Variants in CDH13 observed in about 807,000 individuals in gnomAD.
CDH13 encodes the protein cadherin 13.
In CDH13, 24 loss-of-function variants were observed where a neutral mutation model predicts 63.8. The ratio of observed to expected loss-of-function variants is 0.38; its 90% CI spans 0.27 to 0.53. The LOEUF is 0.53. CDH13 is among the 20% of genes least tolerant of loss of function. The probability of loss-of-function intolerance (pLI) is 0.85; values close to 1 mark genes in which losing one functional copy is unlikely to be tolerated. For synonymous variants in CDH13, 503 were observed against 355.3 expected (o/e 1.42, Z -4.67); for missense variants, 1,049 against 903.1 (o/e 1.16, Z -2.07).
chr16:82,866,963 C>A (rs1485440582), intron 2 of CDH13, among the ~76,000 whole-genome samples: 2 of 152,162 alleles, frequency 1.3e-5, no homozygotes, highest in East Asian at 1.9e-4. Context: ...TGGGTGGGGC[C>A]ACAAAGCCTA....
chr16:83,598,090 G>C (rs1195783052), intron 7 of CDH13, among the ~76,000 whole-genome samples: 1 of 152,174 alleles, frequency 6.6e-6, no homozygotes, highest in Non-Finnish European at 1.5e-5. Context: ...ATTAGACCAG[G>C]TGCAGTGGCT....
rs537925197 is a variant in CDH13 at position 82,822,859 on chromosome 16, A to C, written c.46-35503A>C. ...CAACACCATTTTATTATCGTCTCTCACAGTGTAGGGATTGTCTGGGCTCCG... is the reference window on the plus strand; with the variant it reads ...CAACACCATTTTATTATCGTCTCTCCCAGTGTAGGGATTGTCTGGGCTCCG... On this transcript the variant is annotated intron_variant, in intron 1 of 13. Transcript: ENST00000567109. Among the ~76,000 whole-genome samples the C allele has an allele frequency of 5.7e-4, 87 of 152,320 alleles. 1 individual carries two copies. The Middle Eastern group carries it at 0.014, about 24-fold the overall frequency.
intron 3 of CDH13, among the ~76,000 whole-genome samples, chr16:83,123,523 C>A (rs1476453999): frequency 6.6e-6 from 1 of 152,152 alleles, no homozygotes; most frequent in Non-Finnish European, 1.5e-5. Context: ...AGGTTATCCA[C>A]CCTCCTCAGC....
intron 4 of CDH13, among the ~76,000 whole-genome samples, chr16:83,144,527 C>A (rs541372441): frequency 1.3e-5 from 2 of 152,174 alleles, no homozygotes; most frequent in Non-Finnish European, 2.9e-5. Context: ...GTGTTAACAA[C>A]TTTACGTTCA....
chr16:83,546,276 G>A (rs1472059696), intron 7 of CDH13, among the ~76,000 whole-genome samples: 1 of 152,030 alleles, frequency 6.6e-6, no homozygotes, highest in African/African-American at 2.4e-5. Context: ...GGCACTCTTG[G>A]CATCCCCAGA....
intron 1 of CDH13, among the ~76,000 whole-genome samples, chr16:82,805,266 A>G (rs767881478): frequency 2.6e-5 from 4 of 152,154 alleles, no homozygotes; most frequent in African/African-American, 4.8e-5. Context: ...CAGAAGAGAG[A>G]AGTGATTAGA....
intron 8 of CDH13, among the ~76,000 whole-genome samples, chr16:83,648,368 A>G (rs549092667): frequency 6.6e-6 from 1 of 152,296 alleles, no homozygotes; most frequent in Admixed American, 6.5e-5. Flanking sequence ...AGTTTGTGTG[A>G]TGCAGTGATT....
chr16:83,709,432 T>C (rs1471921243), intron 10 of CDH13, among the ~76,000 whole-genome samples: 3 of 152,234 alleles, frequency 2.0e-5, no homozygotes, highest in Non-Finnish European at 4.4e-5. Context: ...TCAGCATTCA[T>C]CCATGCACAC....
chr16:83,530,721 A>C (rs749178733), intron 7 of CDH13, among the ~76,000 whole-genome samples: 5 of 152,236 alleles, frequency 3.3e-5, no homozygotes, highest in Non-Finnish European at 7.3e-5. Flanking sequence ...TGAGGTTCAC[A>C]GAGGGACAGT....
chr16:82,831,547 G>C (rs1285611343), intron 1 of CDH13, among the ~76,000 whole-genome samples: 1 of 152,082 alleles, frequency 6.6e-6, no homozygotes, highest in African/African-American at 2.4e-5. Context: ...AAGATTTCCT[G>C]ACAATAAAGG....
chr16:83,604,671 A>G (rs1417545631), intron 8 of CDH13, among the ~76,000 whole-genome samples: 1 of 151,578 alleles, frequency 6.6e-6, no homozygotes, highest in Non-Finnish European at 1.5e-5. Context: ...TCACTGGGGG[A>G]TTTTTGTTTA....
At chr16:83,252,138 G>GTATATATATA (rs59872467) in intron 5 of CDH13, among the ~76,000 whole-genome samples, 31 of 121,022 alleles carry the variant, frequency 2.6e-4, no homozygotes, top group African/African-American at 6.6e-4. Flanking sequence ...ACATATATAT[G>GTATATATATA]TATATATATA....
intron 6 of CDH13, among the ~76,000 whole-genome samples, chr16:83,437,282 TTACCTCA>T (rs1451248624): frequency 6.6e-6 from 1 of 152,208 alleles, no homozygotes; most frequent in Non-Finnish European, 1.5e-5. Context: ...ATGATAGTCC[TTACCTCA>T]TAGAAATATT....
chr16:83,474,099 C>A (rs990028695), intron 6 of CDH13, among the ~76,000 whole-genome samples: 2 of 152,150 alleles, frequency 1.3e-5, no homozygotes, highest in African/African-American at 4.8e-5. Flanking sequence ...TTCCCTGAGC[C>A]TGAGTCTCTT....
chr16:82,663,207 A>T lies in CDH13; in HGVS notation c.45+36070A>T, dbSNP rs1270541957. Among the ~76,000 whole-genome samples, 3 of 152,184 alleles carry T rather than the reference A, an allele frequency of 2.0e-5. No individual in the cohort carries two copies. The East Asian group carries it at 5.8e-4, about 29-fold the overall frequency. On this transcript the variant is annotated intron_variant, in intron 1 of 13. Coordinates refer to ENST00000567109, the MANE Select transcript of CDH13 (RefSeq NM_001257.5). ...TGTTTGTTTGTTTGTTTGTTTTGAG[A>T]GGGAGTTTCGCTGTTGTTGCCCTGG...
In CDH13 at chr16:83,284,633, A is replaced by T. The variant is rs1019034034; in HGVS notation, c.637-60229A>T. On this transcript the variant is annotated intron_variant, in intron 5 of 13. Transcript: ENST00000567109. ...CTTCTCTGGTCAACTCAGTGCAGAAAAAAATGGCAAAGTGTTTAAATATAT... is the reference window on the plus strand; with the variant it reads ...CTTCTCTGGTCAACTCAGTGCAGAATAAAATGGCAAAGTGTTTAAATATAT... Among the ~76,000 whole-genome samples, 56 of 152,304 alleles carry T rather than the reference A, an allele frequency of 3.7e-4. 1 individual carries two copies. Among genetic ancestry groups the T allele is most frequent in the African/African-American group, 1.3e-3 (56 of 41,570 alleles).
chr16:83,281,056 T>C (rs1279814850), intron 5 of CDH13, among the ~76,000 whole-genome samples: 1 of 152,190 alleles, frequency 6.6e-6, no homozygotes. Flanking sequence ...CTGCCTATTC[T>C]TTGAAGTTTT....
chr16:83,449,210 C>A (rs958228784), intron 6 of CDH13, among the ~76,000 whole-genome samples: 1 of 152,176 alleles, frequency 6.6e-6, no homozygotes, highest in African/African-American at 2.4e-5. Context: ...TATGTCTTCT[C>A]ATTTATAATG....
chr16:83,630,711 G>A (rs191230791), intron 8 of CDH13, among the ~76,000 whole-genome samples: 1 of 152,344 alleles, frequency 6.6e-6, no homozygotes, highest in Admixed American at 6.5e-5. Context: ...CTGCACCTGT[G>A]AAGATGAGCG....
Sources: gnomAD v4.1 joint callset for allele counts (sites outside exome capture counted in the v4.1 genomes callset) on GRCh38, gnomAD v4.1.1 for gene constraint, MANE v1.5 for transcripts, NCBI Gene and HGNC (gene_info 2026-07-23, HGNC 2026-07-21) for gene names.